The following ERBB4 variants were observed in gnomAD, a reference collection of about 807,000 sequenced individuals.
ERBB4 encodes the protein erb-b2 receptor tyrosine kinase 4.
ERBB4 carries 42 observed loss-of-function variants against 158.0 expected under a neutral mutation model. The observed-to-expected ratio is 0.27, with a 90% CI of 0.21 to 0.34. ERBB4 has a LOEUF of 0.34. Ranked by LOEUF, ERBB4 falls within the 10% of genes least tolerant of loss-of-function variation. The pLI, the probability that ERBB4 is intolerant of heterozygous loss-of-function variation, is 1.00. For missense variants in ERBB4, 1,333 were observed against 1,624.1 expected, an observed-to-expected ratio of 0.82 and a Z score of 3.08; for synonymous variants, 583 against 558.7, an observed-to-expected ratio of 1.04 and a Z score of -0.61.
At chr2:212,205,486 TATG>T (rs2082719543) in intron 1 of ERBB4, among the ~76,000 whole-genome samples, 3 of 152,218 alleles carry the variant, frequency 2.0e-5, no homozygotes, top group Non-Finnish European at 1.5e-5. Flanking sequence ...ACGGTCATTT[TATG>T]ATATTATAGA....
intron 5 of ERBB4, 63 bp from the exon 6 acceptor site, chr2:211,725,257 G>A: frequency 8.0e-7 from 1 of 1,251,556 alleles, no homozygotes; most frequent in South Asian, 1.2e-5. Flanking sequence ...CATAAGCTGA[G>A]TTCTGGAGTG....
Position 212,325,670 on chromosome 2 carries a change from T to A in ERBB4, c.83-200767A>T, listed in dbSNP as rs1352351236. The stretch of plus-strand genomic sequence containing the variant: ...TTTGGTGCTAAGTTTACCAGAGAGT[T>A]TAGAATTTATCATTCCTGTGTATTA... On this transcript the variant is annotated intron_variant, in intron 1 of 27. Coordinates refer to ENST00000342788, the MANE Select transcript of ERBB4 (RefSeq NM_005235.3). Among the ~76,000 whole-genome samples the A allele has an allele frequency of 8.6e-5, 13 of 150,492 alleles. 1 individual carries two copies. The highest frequency in any genetic ancestry group is 3.0e-5 in the Non-Finnish European group (2 of 67,138).
At chr2:212,436,256 C>T (rs1050326019) in intron 1 of ERBB4, among the ~76,000 whole-genome samples, 1 of 151,842 alleles carries the variant, frequency 6.6e-6, no homozygotes, top group African/African-American at 2.4e-5. Flanking sequence ...TGAATCAATT[C>T]ATTTAGAAAC....
intron 4 of ERBB4, among the ~76,000 whole-genome samples, chr2:211,771,152 A>T (rs1382911718): frequency 6.6e-6 from 1 of 152,194 alleles, no homozygotes; most frequent in Admixed American, 6.5e-5. Context: ...TTCTTTAAAC[A>T]AAAGGTACTC....
chr2:211,782,063 C>A (rs2076050316), intron 4 of ERBB4, among the ~76,000 whole-genome samples: 1 of 152,128 alleles, frequency 6.6e-6, no homozygotes. Context: ...TAGGTGCTTT[C>A]ACTAAAATCT....
intron 1 of ERBB4, among the ~76,000 whole-genome samples, chr2:212,511,810 T>G (rs762610411): frequency 6.6e-6 from 1 of 152,190 alleles, no homozygotes; most frequent in East Asian, 1.9e-4. Flanking sequence ...TTTAATGTCT[T>G]GCATGTAAAA....
At chr2:211,519,124 T>G (rs115000696) in intron 20 of ERBB4, among the ~76,000 whole-genome samples, 3,265 of 152,098 alleles carry the variant, frequency 0.021, 100 homozygotes, top group African/African-American at 0.075. Flanking sequence ...AGCCAAGTTA[T>G]CTGTCAGTGG....
At chr2:212,056,403 A>T (rs895862981) in intron 2 of ERBB4, among the ~76,000 whole-genome samples, 1 of 152,226 alleles carries the variant, frequency 6.6e-6, no homozygotes, top group Non-Finnish European at 1.5e-5. Context: ...GCAGGCCAAC[A>T]TTCAAATTCA....
At chr2:211,928,579 C>T (rs1006202598) in intron 3 of ERBB4, among the ~76,000 whole-genome samples, 3 of 152,138 alleles carry the variant, frequency 2.0e-5, no homozygotes, top group African/African-American at 7.2e-5. Flanking sequence ...AAAGAGCACG[C>T]CTTTTACCAT....
chr2:211,648,199 A>G (rs931472337), intron 16 of ERBB4, among the ~76,000 whole-genome samples: 3 of 151,594 alleles, frequency 2.0e-5, no homozygotes, highest in Non-Finnish European at 3.0e-5. Context: ...AATTTGTTCC[A>G]TTTTCTTTTG....
chr2:212,480,021 CAATT>C (rs932105561), intron 1 of ERBB4, among the ~76,000 whole-genome samples: 24 of 152,114 alleles, frequency 1.6e-4, no homozygotes, highest in African/African-American at 5.6e-4. Context: ...TTGAACTTCT[CAATT>C]AAAGCACCAT....
chr2:211,442,735 A>AT (rs925473840), intron 20 of ERBB4, among the ~76,000 whole-genome samples: 27 of 151,362 alleles, frequency 1.8e-4, no homozygotes, highest in African/African-American at 6.3e-4. Context: ...ACATATGTGT[A>AT]TATATATATG....
At chr2:211,516,168 G>A (rs2066026260) in intron 20 of ERBB4, among the ~76,000 whole-genome samples, 1 of 150,864 alleles carries the variant, frequency 6.6e-6, no homozygotes, top group South Asian at 2.1e-4. Context: ...CGCCCGCCTC[G>A]GCCTCCCAAA....
chr2:212,016,516 A>T (rs974615513), intron 2 of ERBB4, among the ~76,000 whole-genome samples: 24 of 152,178 alleles, frequency 1.6e-4, no homozygotes, highest in African/African-American at 5.5e-4. Context: ...TGCAAATTTT[A>T]AAAAATCTAG....
chr2:212,460,556 A>AT (rs1291912736), intron 1 of ERBB4, among the ~76,000 whole-genome samples: 1 of 152,178 alleles, frequency 6.6e-6, no homozygotes, highest in African/African-American at 2.4e-5. Context: ...GGCTGGCATC[A>AT]TTTTGCCCCT....
intron 1 of ERBB4, among the ~76,000 whole-genome samples, chr2:212,380,119 C>G (rs1158560595): frequency 6.6e-6 from 1 of 151,256 alleles, no homozygotes; most frequent in Non-Finnish European, 1.5e-5. Flanking sequence ...TACACACACA[C>G]AAACAGACAC....
chr2:211,562,834 G>T (rs982821313), intron 19 of ERBB4, among the ~76,000 whole-genome samples: 1 of 144,626 alleles, frequency 6.9e-6, no homozygotes, highest in Non-Finnish European at 1.5e-5. Flanking sequence ...TGCAGTGGCG[G>T]GATCTCGGCT....
intron 1 of ERBB4, among the ~76,000 whole-genome samples, chr2:212,419,788 T>G (rs1366183001): frequency 6.6e-6 from 1 of 151,912 alleles, no homozygotes; most frequent in African/African-American, 2.4e-5. Context: ...AGAACTGAAT[T>G]AACGTCCTAT....
intron 13 of ERBB4, among the ~76,000 whole-genome samples, chr2:211,676,118 T>G (rs560840549): frequency 6.6e-6 from 1 of 152,240 alleles, no homozygotes; most frequent in South Asian, 2.1e-4. Context: ...GAAGTTGGGA[T>G]ATAAACTGGT....
Sources: allele counts gnomAD v4.1 joint callset (sites outside exome capture counted in the v4.1 genomes callset), GRCh38; gene constraint gnomAD v4.1.1; transcripts MANE v1.5; gene names NCBI Gene and HGNC (gene_info 2026-07-23, HGNC 2026-07-21).